The following MCU variants were observed in gnomAD, a reference collection of about 807,000 sequenced individuals.
The protein encoded by MCU is mitochondrial calcium uniporter, also known as calcium uniporter protein, mitochondrial.
In MCU, 12 loss-of-function variants were observed where a neutral mutation model predicts 45.2. The ratio of observed to expected loss-of-function variants is 0.27; its 90% CI spans 0.17 to 0.43. The LOEUF (loss-of-function observed/expected upper bound fraction) is 0.43, where lower values mean the gene tolerates loss of function less well. Ranked by LOEUF, MCU falls within the 20% of genes least tolerant of loss-of-function variation. MCU has a pLI of 1.00. For missense variants in MCU, 324 were observed against 436.7 expected (o/e 0.74, Z 2.30); for synonymous variants, 160 against 165.1 (o/e 0.97, Z 0.24).
intron 1 of MCU, among the ~76,000 whole-genome samples, chr10:72,779,631 T>A (rs185940240): frequency 6.6e-6 from 1 of 152,270 alleles, no homozygotes; most frequent in African/African-American, 2.4e-5. Flanking sequence ...TGATTTGAAA[T>A]GACATTTCTA....
chr10:72,871,095 TCGCCA>T (rs1845535402), intron 5 of MCU, among the ~76,000 whole-genome samples: 1 of 152,164 alleles, frequency 6.6e-6, no homozygotes, highest in Non-Finnish European at 1.5e-5. Flanking sequence ...AGATGGGATT[TCGCCA>T]TGTCGCCCAG....
At chr10:72,880,666 T>TAAGAAAAGCCATTAAACTCTTG (rs907105242) in intron 6 of MCU, among the ~76,000 whole-genome samples, 1 of 152,140 alleles carries the variant, frequency 6.6e-6, no homozygotes, top group Non-Finnish European at 1.5e-5. Flanking sequence ...TGTAAAAGAC[T>TAAGAAAAGCCATTAAACTCTTG]AAGAAAAGCC....
At chr10:72,745,575 T>G (rs936304199) in intron 1 of MCU, among the ~76,000 whole-genome samples, 1 of 152,204 alleles carries the variant, frequency 6.6e-6, no homozygotes, top group East Asian at 1.9e-4. Flanking sequence ...CATGCTTCTT[T>G]CATCACAGGG....
At chr10:72,717,697 T>C (rs561747493) in intron 1 of MCU, among the ~76,000 whole-genome samples, 5 of 152,330 alleles carry the variant, frequency 3.3e-5, no homozygotes, top group African/African-American at 1.2e-4. Flanking sequence ...ATAGATAGAA[T>C]GCTTTCCTCA....
intron 1 of MCU, among the ~76,000 whole-genome samples, chr10:72,778,753 G>A (rs1236926284): frequency 6.6e-6 from 1 of 151,956 alleles, no homozygotes; most frequent in Non-Finnish European, 1.5e-5. Context: ...ACTAGATTTT[G>A]ACTGTTAATA....
intron 1 of MCU, among the ~76,000 whole-genome samples, chr10:72,763,460 C>T (rs1451353747): frequency 6.6e-6 from 1 of 151,864 alleles, no homozygotes; most frequent in Non-Finnish European, 1.5e-5. Flanking sequence ...CTAAGGGGAG[C>T]TACATGAGTA....
intron 1 of MCU, among the ~76,000 whole-genome samples, chr10:72,705,134 A>C (rs913903615): frequency 3.9e-5 from 6 of 152,124 alleles, no homozygotes; most frequent in African/African-American, 7.2e-5. Context: ...AAGTGCTGGG[A>C]TTACAGATGT....
At chr10:72,781,261 G>A (rs1843989586) in intron 1 of MCU, among the ~76,000 whole-genome samples, 2 of 152,196 alleles carry the variant, frequency 1.3e-5, no homozygotes, top group South Asian at 4.1e-4. Flanking sequence ...GGAGCCAATA[G>A]GACATCTTTG....
chr10:72,736,825 TA>T (rs1192706676), intron 1 of MCU, among the ~76,000 whole-genome samples: 4 of 152,238 alleles, frequency 2.6e-5, no homozygotes, highest in Non-Finnish European at 5.9e-5. Context: ...TTTAGCAGTC[TA>T]AATGGTGGAC....
At chr10:72,809,178 G>A (rs904469468) in intron 1 of MCU, among the ~76,000 whole-genome samples, 3 of 152,160 alleles carry the variant, frequency 2.0e-5, no homozygotes, top group Non-Finnish European at 2.9e-5. Context: ...TGCCAGGCAC[G>A]TGCTCACTGT....
chr10:72,860,148 C>G (rs1255445341), intron 3 of MCU: 2 of 343,808 alleles, frequency 5.8e-6, no homozygotes, highest in South Asian at 3.5e-5. Flanking sequence ...CCCAGTGACC[C>G]TAGATTTCCA....
chr10:72,862,434 G>C (rs150830513), intron 4 of MCU, among the ~76,000 whole-genome samples: 107 of 152,292 alleles, frequency 7.0e-4, no homozygotes, highest in African/African-American at 2.3e-3. Flanking sequence ...TTTTGTTAAA[G>C]ATAATTTTTC....
chr10:72,840,868 A>T (rs1468195514), intron 2 of MCU, among the ~76,000 whole-genome samples: 1 of 152,176 alleles, frequency 6.6e-6, no homozygotes, highest in Non-Finnish European at 1.5e-5. Flanking sequence ...TCATCACAGA[A>T]CTCTTTTCTT....
intron 1 of MCU, among the ~76,000 whole-genome samples, chr10:72,762,623 T>G (rs1843670873): frequency 6.6e-6 from 1 of 152,178 alleles, no homozygotes; most frequent in Non-Finnish European, 1.5e-5. Flanking sequence ...ACTAATAGAA[T>G]CTTTTTAATT....
rs193207490 is a variant in MCU, at chr10:72,849,297, C to G, written c.221-9880C>G. Among the ~76,000 whole-genome samples, 29 of 143,184 alleles carry G rather than the reference C, an allele frequency of 2.0e-4. 1 individual carries two copies. In the East Asian group the frequency reaches 5.8e-3, roughly 28 times the overall value. 93.9% of individuals were successfully genotyped at this position (143,184 alleles called of 152,430 possible). ...CTCCAAAAAAAAAAAAAAAAAAAAT[C>G]GAATGAAAGCACATGATGACTGATA... On this transcript the variant is annotated intron_variant, in intron 2 of 7. Transcript: ENST00000373053.
At chr10:72,850,041 A>G (rs1845184301) in intron 2 of MCU, among the ~76,000 whole-genome samples, 1 of 151,792 alleles carries the variant, frequency 6.6e-6, no homozygotes, top group Non-Finnish European at 1.5e-5. Flanking sequence ...AGGTGCCTGA[A>G]TAGCTAGGAT....
At chr10:72,828,213 T>G (rs1403987202) in intron 1 of MCU, among the ~76,000 whole-genome samples, 1 of 152,198 alleles carries the variant, frequency 6.6e-6, no homozygotes, top group African/African-American at 2.4e-5. Context: ...TTCCATGTTG[T>G]GCTAAGGGAA....
rs902094896 is a variant in MCU, at chr10:72,859,326, A to G, written c.370A>G (p.Arg124Gly). 1 of 1,612,696 alleles carries G rather than the reference A, an allele frequency of 6.2e-7. No homozygotes were observed. The stretch of plus-strand genomic sequence containing the variant: ...GCAAGAAGAGGATCGGGGAATTGAC[A>G]GAGTTGCTATCTATTCACCAGGTAT... ...QLQEEDRGIDRVAIYSPDGVR... is the reference protein window; with the variant it reads ...QLQEEDRGIDGVAIYSPDGVR... Residue 124 changes from arginine (R) to glycine (G), a missense_variant, in exon 3 of 8, where the codon AGA (arginine) becomes GGA (glycine). This residue lies in a region of MCU where 135 missense variants were observed against 207.3 expected (regional missense o/e 0.65). Coordinates refer to ENST00000373053, the MANE Select transcript of MCU (RefSeq NM_138357.3).
At position 72,710,875 on chromosome 10, in the gene MCU, T is replaced by A. The variant is rs1345038402; in HGVS notation, c.150+18574T>A. Among the ~76,000 whole-genome samples the A allele has an allele frequency of 2.0e-5, 3 of 152,218 alleles. No homozygotes were observed. The South Asian group carries it at 6.2e-4, about 32-fold the overall frequency. On this transcript the variant is annotated intron_variant, in intron 1 of 7. Coordinates refer to ENST00000373053, the MANE Select transcript of MCU (RefSeq NM_138357.3). Reference sequence around the variant, plus strand: ...AGTTTTGTAAGAATGTTTTAAAACCTTATTTAAAAGGTATTAAACTGGCCG... The same window carrying A: ...AGTTTTGTAAGAATGTTTTAAAACCATATTTAAAAGGTATTAAACTGGCCG...
Sources: allele counts gnomAD v4.1 joint callset (sites outside exome capture counted in the v4.1 genomes callset), GRCh38; gene constraint gnomAD v4.1.1; regional missense constraint gnomAD v4.1.1; transcripts MANE v1.5; gene names NCBI Gene and HGNC (gene_info 2026-07-23, HGNC 2026-07-21).